Variants in C7 observed in about 807,000 individuals in gnomAD.
C7 encodes complement C7.
In C7, 83 loss-of-function variants were observed where a neutral mutation model predicts 104.8. The ratio of observed to expected loss-of-function variants is 0.79; its 90% CI spans 0.66 to 0.95. C7 has a LOEUF of 0.95. Among genes scored for constraint, C7 ranks in the 40% least tolerant of loss-of-function variants. The pLI is 0.00. For missense variants in C7, 1,070 were observed against 1,011.2 expected (o/e 1.06, Z -0.79); for synonymous variants, 415 against 360.6 (o/e 1.15, Z -1.71).
At chr5:40,916,478 C>T (rs1739319126) in intron 1 of C7, among the ~76,000 whole-genome samples, 1 of 152,158 alleles carries the variant, frequency 6.6e-6, no homozygotes, top group African/African-American at 2.4e-5. Flanking sequence ...ACTGCTACTT[C>T]ATTCAGGTTT....
At chr5:40,978,140 G>GAAAAAAAAAAAAAAA (rs869311131) in intron 16 of C7, among the ~76,000 whole-genome samples, 1 of 107,634 alleles carries the variant, frequency 9.3e-6, no homozygotes, top group African/African-American at 3.7e-5. Flanking sequence ...ATCTCAAAAA[G>GAAAAAAAAAAAAAAA]AAAAAAAAAA....
intron 13 of C7, among the ~76,000 whole-genome samples, chr5:40,963,017 C>T (rs1740455618): frequency 6.6e-6 from 1 of 152,106 alleles, no homozygotes; most frequent in African/African-American, 2.4e-5. Context: ...ATCAACCTAG[C>T]ATCTCTACCA....
At chr5:40,964,035 T>C (rs963721165) in intron 13 of C7, among the ~76,000 whole-genome samples, 1 of 129,134 alleles carries the variant, frequency 7.7e-6, no homozygotes, top group African/African-American at 2.8e-5. Context: ...TTTTTTTTTT[T>C]TTTTTTTTTT....
intron 14 of C7, among the ~76,000 whole-genome samples, chr5:40,970,793 G>A (rs1256228642): frequency 6.6e-6 from 1 of 151,986 alleles, no homozygotes; most frequent in Non-Finnish European, 1.5e-5. Flanking sequence ...AGTGTGTGAT[G>A]TTCCACTCCC....
intron 1 of C7, among the ~76,000 whole-genome samples, chr5:40,913,446 C>T (rs1431933158): frequency 1.3e-5 from 2 of 151,946 alleles, no homozygotes; most frequent in Non-Finnish European, 2.9e-5. Context: ...GGAATATATA[C>T]TATTCCCTAT....
At position 40,947,852 on chromosome 5, in the gene C7, T is replaced by C; in HGVS notation, c.982+7T>C. 5 of 1,610,350 alleles carry C rather than the reference T, an allele frequency of 3.1e-6. No individual in the cohort carries two copies. Among genetic ancestry groups the C allele is most frequent in the Non-Finnish European group, 4.2e-6 (5 of 1,178,704 alleles). ...GAAAAATTAAAACAAAATGGTACAG[T>C]ATTAAAAAATTCGTTGTCTAAAGGC... On this transcript the variant is annotated splice_region_variant and intron_variant, in intron 8 of 17. Coordinates refer to ENST00000313164, the MANE Select transcript of C7 (RefSeq NM_000587.4).
Position 40,928,206 on chromosome 5 carries a change from G to A in C7, c.7-374G>A, listed in dbSNP as rs1321083838. Among the ~76,000 whole-genome samples, 10 of 152,214 alleles carry A rather than the reference G, an allele frequency of 6.6e-5. No homozygotes were observed. The East Asian group carries it at 1.2e-3, about 18-fold the overall frequency. ...CTCACTTATATGATGTAAAACAATC[G>A]AACTTGTAGAAGCAAAGTAGAATGG... is the stretch of plus-strand genomic sequence containing the variant. On this transcript the variant is annotated intron_variant, in intron 1 of 17. Transcript: ENST00000313164.
chr5:40,939,853 C>T (rs1403820608), intron 6 of C7, among the ~76,000 whole-genome samples: 1 of 152,222 alleles, frequency 6.6e-6, no homozygotes, highest in Non-Finnish European at 1.5e-5. Context: ...GTGATCCTGA[C>T]ATTCATTTTC....
chr5:40,968,237 T>C (rs1008648513), intron 14 of C7, among the ~76,000 whole-genome samples: 1 of 152,026 alleles, frequency 6.6e-6, no homozygotes, highest in Non-Finnish European at 1.5e-5. Flanking sequence ...ACAATTCTCC[T>C]GGCTCAGCCT....
At chr5:40,957,888 C>A in intron 10 of C7, 145 bp from the exon 11 acceptor site, 1 of 531,450 alleles carries the variant, frequency 1.9e-6, no homozygotes, top group East Asian at 3.0e-5. Context: ...GCACTGTTTT[C>A]CTTTGTATTT....
intron 1 of C7, among the ~76,000 whole-genome samples, chr5:40,914,455 C>A (rs948119430): frequency 1.3e-5 from 2 of 152,120 alleles, no homozygotes; most frequent in African/African-American, 4.8e-5. Context: ...TGTAGAGAAG[C>A]TTTTAATTTT....
intron 14 of C7, among the ~76,000 whole-genome samples, chr5:40,967,978 T>C (rs1740595009): frequency 6.6e-6 from 1 of 152,190 alleles, no homozygotes; most frequent in African/African-American, 2.4e-5. Flanking sequence ...TTCTTGACCA[T>C]TATGTCCTAA....
Position 40,981,703 on chromosome 5 carries a change from A to C in C7, c.*130A>C. 1.4e-6 allele frequency: 1 copy of C among 701,784 alleles called. No individual in the cohort carries two copies. The highest frequency in any genetic ancestry group is 2.7e-5 in the East Asian group (1 of 36,846). 43.5% of individuals were successfully genotyped at this position (701,784 alleles called of 1,614,324 possible). A position where few individuals can be genotyped will look rare whatever the true frequency, so the allele number is the denominator to read the frequency against. On this transcript the variant is annotated 3_prime_UTR_variant, in exon 18 of 18. Coordinates refer to ENST00000313164, the MANE Select transcript of C7 (RefSeq NM_000587.4). ...GTGTCTACCTTCCTCCTCAACTCCC[A>C]GCCATCTGTATAAACACAATCCTTT... is the stretch of plus-strand genomic sequence containing the variant.
chr5:40,958,320 T>G, intron 11 of C7, 59 bp downstream of exon 11: 1 of 1,036,016 alleles, frequency 9.7e-7, no homozygotes, highest in Non-Finnish European at 1.4e-6. Flanking sequence ...ATTACCCTGT[T>G]TCTCTGCTCC....
At chr5:40,978,684 T>C (rs922016206) in intron 16 of C7, among the ~76,000 whole-genome samples, 2 of 152,122 alleles carry the variant, frequency 1.3e-5, no homozygotes, top group African/African-American at 2.4e-5. Flanking sequence ...TGTGTGAATA[T>C]AGACTCTTTC....
chr5:40,959,287 G>A (rs1740371715), intron 11 of C7, among the ~76,000 whole-genome samples, 162 bp from the exon 12 acceptor site: 1 of 152,214 alleles, frequency 6.6e-6, no homozygotes, highest in African/African-American at 2.4e-5. Flanking sequence ...TAGTCTGTAT[G>A]TAGAGCCATT....
intron 1 of C7, among the ~76,000 whole-genome samples, chr5:40,920,051 C>T (rs537450436): frequency 2.0e-5 from 3 of 151,934 alleles, no homozygotes; most frequent in South Asian, 2.1e-4. Flanking sequence ...AAAATAAGTT[C>T]TTTTTTGAAA....
chr5:40,910,655 TA>T (rs1739187475), intron 1 of C7, among the ~76,000 whole-genome samples: 1 of 152,020 alleles, frequency 6.6e-6, no homozygotes, highest in Non-Finnish European at 1.5e-5. Context: ...CTAAGAAAAT[TA>T]ACGCAGGAAC....
At chr5:40,917,346 A>G (rs111502984) in intron 1 of C7, among the ~76,000 whole-genome samples, 7,071 of 152,150 alleles carry the variant, frequency 0.046, 568 homozygotes, top group African/African-American at 0.16. Context: ...GATTCCAAAT[A>G]TAAGTATTTT....
Sources: gnomAD v4.1 joint callset for allele counts (sites outside exome capture counted in the v4.1 genomes callset) on GRCh38, gnomAD v4.1.1 for gene constraint, MANE v1.5 for transcripts, NCBI Gene and HGNC (gene_info 2026-07-23, HGNC 2026-07-21) for gene names.